Variants in DNAJC24 observed in about 807,000 individuals in gnomAD.
The protein encoded by DNAJC24 is dnaJ homolog subfamily C member 24.
DNAJC24 carries 17 observed loss-of-function variants against 18.0 expected under a neutral mutation model. That is an observed-to-expected ratio of 0.94 (90% CI 0.65 to 1.42). The LOEUF (loss-of-function observed/expected upper bound fraction) is 1.42, where lower values mean the gene tolerates loss of function less well. Ranked by LOEUF, DNAJC24 falls within the 40% of genes most tolerant of loss-of-function variation. The probability of loss-of-function intolerance (pLI) is 0.00; values close to 1 mark genes in which losing one functional copy is unlikely to be tolerated. For synonymous variants in DNAJC24, 55 were observed against 57.7 expected (o/e 0.95, Z 0.21); for missense variants, 158 against 175.6 (o/e 0.90, Z 0.57).
At chr11:31,378,606 T>C (rs919002482) in intron 2 of DNAJC24, among the ~76,000 whole-genome samples, 1 of 152,006 alleles carries the variant, frequency 6.6e-6, no homozygotes, top group Non-Finnish European at 1.5e-5. Flanking sequence ...TTACATATAC[T>C]TTGAAAACTG....
intron 2 of DNAJC24, among the ~76,000 whole-genome samples, chr11:31,400,872 A>G (rs1012023338): frequency 3.9e-5 from 6 of 152,240 alleles, no homozygotes; most frequent in Non-Finnish European, 8.8e-5. Flanking sequence ...GCCAAAATTG[A>G]CAAATGAGAT....
intron 2 of DNAJC24, among the ~76,000 whole-genome samples, chr11:31,380,752 C>T (rs893046906): frequency 2.0e-4 from 31 of 152,056 alleles, no homozygotes; most frequent in African/African-American, 7.5e-4. Context: ...GTATAATCAA[C>T]ACCATATCAA....
intron 3 of DNAJC24, chr11:31,421,938 C>T (rs557865560): frequency 4.6e-5 from 20 of 437,648 alleles, no homozygotes; most frequent in South Asian, 1.7e-4. Flanking sequence ...AAAGAATCTC[C>T]GTAGATTTTC....
chr11:31,385,906 G>T (rs1396072199), intron 2 of DNAJC24, among the ~76,000 whole-genome samples: 1 of 152,072 alleles, frequency 6.6e-6, no homozygotes, highest in Non-Finnish European at 1.5e-5. Context: ...CCCTGCAGTG[G>T]CCACATGGCG....
intron 3 of DNAJC24, among the ~76,000 whole-genome samples, chr11:31,425,194 A>G (rs1333304588): frequency 6.6e-6 from 1 of 152,190 alleles, no homozygotes; most frequent in African/African-American, 2.4e-5. Flanking sequence ...ACTTTGGACC[A>G]GGAAACAGCA....
At chr11:31,382,415 A>G (rs1952385438) in intron 2 of DNAJC24, among the ~76,000 whole-genome samples, 1 of 152,196 alleles carries the variant, frequency 6.6e-6, no homozygotes, top group Non-Finnish European at 1.5e-5. Flanking sequence ...GCCTTATCAT[A>G]ATTTATCATC....
chr11:31,395,846 G>A (rs1952538921), intron 2 of DNAJC24, among the ~76,000 whole-genome samples: 1 of 152,018 alleles, frequency 6.6e-6, no homozygotes, highest in African/African-American at 2.4e-5. Context: ...AACTTTTCTG[G>A]GATCACAAGA....
chr11:31,380,578 ACTTTTT>A (rs1320587418), intron 2 of DNAJC24, among the ~76,000 whole-genome samples: 2 of 152,110 alleles, frequency 1.3e-5, no homozygotes, highest in African/African-American at 4.8e-5. Context: ...TAGTTGTTTT[ACTTTTT>A]CTTTTATTTT....
chr11:31,421,716 G>GTTGT (rs1298934697), intron 3 of DNAJC24, among the ~76,000 whole-genome samples: 19 of 152,230 alleles, frequency 1.2e-4, no homozygotes, highest in Admixed American at 1.2e-3. Flanking sequence ...GAAACAAAGA[G>GTTGT]TTGTTTTAGA....
intron 2 of DNAJC24, among the ~76,000 whole-genome samples, chr11:31,401,906 GATT>G (rs1447843185): frequency 6.6e-6 from 1 of 152,052 alleles, no homozygotes; most frequent in Non-Finnish European, 1.5e-5. Context: ...AAATTTATAG[GATT>G]ATTCACAAAG....
intron 2 of DNAJC24, among the ~76,000 whole-genome samples, chr11:31,397,850 T>C (rs1266192723): frequency 6.6e-6 from 1 of 151,920 alleles, no homozygotes; most frequent in African/African-American, 2.4e-5. Flanking sequence ...TCTTGCTCTG[T>C]TGCCCAGGCT....
At chr11:31,410,289 CTA>C (rs1324452939) in intron 2 of DNAJC24, among the ~76,000 whole-genome samples, 4 of 152,162 alleles carry the variant, frequency 2.6e-5, no homozygotes, top group Non-Finnish European at 5.9e-5. Flanking sequence ...TTCCTAATAA[CTA>C]ATAAAAAAGT....
chr11:31,401,328 C>T (rs939111939), intron 2 of DNAJC24, among the ~76,000 whole-genome samples: 3 of 152,154 alleles, frequency 2.0e-5, no homozygotes, highest in Non-Finnish European at 4.4e-5. Context: ...CCAATACCTA[C>T]CACAAATATT....
At chr11:31,417,906 T>G (rs1952765359) in intron 3 of DNAJC24, among the ~76,000 whole-genome samples, 1 of 152,066 alleles carries the variant, frequency 6.6e-6, no homozygotes, top group Non-Finnish European at 1.5e-5. Flanking sequence ...GAAATGATCA[T>G]ATGTGTTCTT....
chr11:31,412,198 T>G (rs1375400800), intron 2 of DNAJC24, among the ~76,000 whole-genome samples: 1 of 152,138 alleles, frequency 6.6e-6, no homozygotes, highest in Non-Finnish European at 1.5e-5. Flanking sequence ...AATTCCTGGT[T>G]TTATAGGGCT....
At chr11:31,423,442 G>A (rs1262510592) in intron 3 of DNAJC24, among the ~76,000 whole-genome samples, 3 of 152,044 alleles carry the variant, frequency 2.0e-5, no homozygotes, top group African/African-American at 7.2e-5. Context: ...TGTATTTTTA[G>A]TAGAGATGGG....
At position 31,430,547 on chromosome 11, in the gene DNAJC24, G is replaced by C. The variant is rs933375383; in HGVS notation, c.*146G>C. On this transcript the variant is annotated 3_prime_UTR_variant, in exon 5 of 5. Coordinates refer to ENST00000465995, the MANE Select transcript of DNAJC24 (RefSeq NM_181706.5). ...CAATTATCAAGCAGAGACCACCTCA[G>C]ATTAATAGAGAATGAATATAATTAT... is the stretch of plus-strand genomic sequence containing the variant. 5.5e-5 allele frequency: 23 copies of C among 418,382 alleles called. No homozygotes were observed. The highest frequency in any genetic ancestry group is 5.3e-4 in the Admixed American group (12 of 22,660). The allele number at this position is 418,382 out of a possible 1,614,324, so 25.9% of individuals were successfully genotyped here.
intron 2 of DNAJC24, among the ~76,000 whole-genome samples, chr11:31,378,476 A>G (rs1476656398): frequency 6.6e-6 from 1 of 152,202 alleles, no homozygotes; most frequent in Non-Finnish European, 1.5e-5. Context: ...TAATCACTTC[A>G]TGTGAATTAT....
Position 31,432,439 on chromosome 11 carries a change from A to C in DNAJC24, c.*2038A>C. ...GTTTATTGGTAAGTACACGGTTTCA[A>C]CGGGAGTAATAAATTCACATGAAAA... is the stretch of plus-strand genomic sequence containing the variant. On this transcript the variant is annotated 3_prime_UTR_variant, in exon 5 of 5. Coordinates refer to ENST00000465995, the MANE Select transcript of DNAJC24 (RefSeq NM_181706.5). 8.7e-7 allele frequency: 1 copy of C among 1,150,182 alleles called. No individual in the cohort carries two copies. Among genetic ancestry groups the C allele is most frequent in the Non-Finnish European group, 1.3e-6 (1 of 760,104 alleles). 71.2% of individuals were successfully genotyped at this position (1,150,182 alleles called of 1,614,324 possible).
Sources: allele counts gnomAD v4.1 joint callset (sites outside exome capture counted in the v4.1 genomes callset), GRCh38; gene constraint gnomAD v4.1.1; transcripts MANE v1.5; gene names NCBI Gene and HGNC (gene_info 2026-07-23, HGNC 2026-07-21).